Variants in RELN observed in about 807,000 individuals in gnomAD.
The protein encoded by RELN is reelin.
Under a neutral mutation model 427.6 loss-of-function variants are expected in RELN, and 108 were observed. The observed-to-expected ratio is 0.25, with a 90% CI of 0.22 to 0.30. RELN has a LOEUF of 0.30. Among genes scored for constraint, RELN ranks in the 10% least tolerant of loss-of-function variants. The pLI is 1.00. For missense variants in RELN, 3,715 were observed against 4,302.8 expected (o/e 0.86, Z 3.82); for synonymous variants, 1,524 against 1,513.4 (o/e 1.01, Z -0.16).
At chr7:103,592,179 C>T (rs1022304135) in intron 27 of RELN, among the ~76,000 whole-genome samples, 2 of 152,066 alleles carry the variant, frequency 1.3e-5, no homozygotes, top group Non-Finnish European at 2.9e-5. Context: ...TTTTGATCCT[C>T]TCCCTTCTCC....
intron 3 of RELN, among the ~76,000 whole-genome samples, chr7:103,798,847 G>T (rs979353792): frequency 2.0e-5 from 3 of 152,176 alleles, no homozygotes; most frequent in African/African-American, 7.2e-5. Flanking sequence ...GTCACCCACA[G>T]CTAGAGCTTT....
chr7:103,695,164 TA>T (rs1833952165), intron 10 of RELN, among the ~76,000 whole-genome samples: 1 of 152,166 alleles, frequency 6.6e-6, no homozygotes, highest in Admixed American at 6.6e-5. Context: ...GCATATAGTC[TA>T]AAGAAACAAT....
chr7:103,749,627 C>A, intron 5 of RELN, 123 bp from the exon 6 acceptor site: 1 of 741,728 alleles, frequency 1.3e-6, no homozygotes, highest in Non-Finnish European at 2.4e-6. Flanking sequence ...TTTAAATGAG[C>A]AGTTGATTAT....
chr7:103,551,921 T>A (rs1161030079), intron 40 of RELN, among the ~76,000 whole-genome samples: 1 of 145,842 alleles, frequency 6.9e-6, no homozygotes, highest in Non-Finnish European at 1.5e-5. Flanking sequence ...CATAGTTACC[T>A]TCTGTGTGTG....
At chr7:103,504,600 A>G (rs1829144879) in intron 51 of RELN, 1 of 152,266 alleles carries the variant, frequency 6.6e-6, no homozygotes, top group African/African-American at 2.4e-5. Context: ...GGTGCAGCCC[A>G]TGGAGGGTGA....
At chr7:103,882,223 A>G (rs923961966) in intron 2 of RELN, among the ~76,000 whole-genome samples, 3 of 152,184 alleles carry the variant, frequency 2.0e-5, no homozygotes, top group East Asian at 1.9e-4. Flanking sequence ...TCTGATCTCT[A>G]TCATAACTAC....
Position 103,818,675 on chromosome 7 carries a change from T to C in RELN, c.473+14862A>G, listed in dbSNP as rs1053514327. Among the ~76,000 whole-genome samples the C allele has an allele frequency of 3.3e-5, 5 of 152,270 alleles. No homozygotes were observed. The South Asian group carries it at 6.2e-4, about 19-fold the overall frequency. On this transcript the variant is annotated intron_variant, in intron 3 of 64. Coordinates refer to ENST00000428762, the MANE Select transcript of RELN (RefSeq NM_005045.4). The stretch of plus-strand genomic sequence containing the variant: ...TCACAAAGCTGTACAATAGTGAGTA[T>C]TGGAAACAAGCAAAATGTCCAGAAA...
intron 2 of RELN, among the ~76,000 whole-genome samples, chr7:103,841,828 A>G (rs1432418389): frequency 6.6e-6 from 1 of 152,174 alleles, no homozygotes; most frequent in East Asian, 1.9e-4. Context: ...TGTTGGGTCA[A>G]TTCTATATTT....
intron 16 of RELN, among the ~76,000 whole-genome samples, chr7:103,646,580 G>T (rs1832802205): frequency 6.6e-6 from 1 of 151,848 alleles, no homozygotes; most frequent in Non-Finnish European, 1.5e-5. Context: ...GGAAGAAATA[G>T]AAATCCGGAA....
intron 51 of RELN, among the ~76,000 whole-genome samples, chr7:103,505,341 C>T (rs1453500703): frequency 6.6e-6 from 1 of 152,128 alleles, no homozygotes; most frequent in Non-Finnish European, 1.5e-5. Context: ...CTGGTGGGTG[C>T]CCCTCTGGGA....
chr7:103,896,002 A>G (rs1794951378), intron 2 of RELN, among the ~76,000 whole-genome samples: 1 of 152,152 alleles, frequency 6.6e-6, no homozygotes, highest in South Asian at 2.1e-4. Context: ...TAATAAAAAG[A>G]CAACTCAATT....
chr7:103,508,681 G>T (rs575225585), intron 51 of RELN, among the ~76,000 whole-genome samples: 57 of 152,276 alleles, frequency 3.7e-4, no homozygotes, highest in African/African-American at 1.3e-3. Context: ...AAGAAATAAA[G>T]GGTATTCAGT....
chr7:103,539,995 T>C (rs1706875121), intron 44 of RELN, among the ~76,000 whole-genome samples: 1 of 152,236 alleles, frequency 6.6e-6, no homozygotes, highest in African/African-American at 2.4e-5. Flanking sequence ...TGTTTATTTT[T>C]ATAAGCTTAG....
chr7:103,692,508 TGA>T (rs1833893351), intron 10 of RELN, among the ~76,000 whole-genome samples: 1 of 151,556 alleles, frequency 6.6e-6, no homozygotes, highest in Non-Finnish European at 1.5e-5. Flanking sequence ...GGGTGGTGAG[TGA>T]GGAGGGAGAA....
At chr7:103,581,870 C>T (rs1364574401) in intron 28 of RELN, among the ~76,000 whole-genome samples, 2 of 151,902 alleles carry the variant, frequency 1.3e-5, no homozygotes, top group East Asian at 3.9e-4. Flanking sequence ...ACCAACTCAT[C>T]AACTGAGTGC....
At chr7:103,900,460 A>G (rs1295775403) in intron 2 of RELN, among the ~76,000 whole-genome samples, 2 of 152,158 alleles carry the variant, frequency 1.3e-5, no homozygotes, top group Non-Finnish European at 2.9e-5. Context: ...TAAAGTTCAT[A>G]TGGAACAAAA....
At chr7:103,829,376 G>T (rs1793221549) in intron 3 of RELN, among the ~76,000 whole-genome samples, 1 of 151,290 alleles carries the variant, frequency 6.6e-6, no homozygotes, top group Non-Finnish European at 1.5e-5. Flanking sequence ...GGGACTTTGG[G>T]GTAGGGGATT....
chr7:103,764,125 G>T (rs1791369847), intron 4 of RELN, among the ~76,000 whole-genome samples: 1 of 152,148 alleles, frequency 6.6e-6, no homozygotes, highest in Non-Finnish European at 1.5e-5. Flanking sequence ...AATATATTGA[G>T]TTCAAGGTGC....
chr7:103,751,533 G>A (rs1371006707), intron 5 of RELN, among the ~76,000 whole-genome samples: 1 of 152,254 alleles, frequency 6.6e-6, no homozygotes, highest in African/African-American at 2.4e-5. Flanking sequence ...ATACACTGGA[G>A]AGAACGCTGT....
Sources: gnomAD v4.1 joint callset for allele counts (sites outside exome capture counted in the v4.1 genomes callset) on GRCh38, gnomAD v4.1.1 for gene constraint, MANE v1.5 for transcripts, NCBI Gene and HGNC (gene_info 2026-07-23, HGNC 2026-07-21) for gene names.